The following SHANK2 variants were observed in gnomAD, a reference collection of about 807,000 sequenced individuals.
SHANK2 encodes the protein SH3 and multiple ankyrin repeat domains 2.
SHANK2 carries 43 observed loss-of-function variants against 133.7 expected under a neutral mutation model. The ratio of observed to expected loss-of-function variants is 0.32; its 90% CI spans 0.25 to 0.41. The LOEUF (loss-of-function observed/expected upper bound fraction) is 0.41. SHANK2 is among the 10% of genes least tolerant of loss of function. The probability of loss-of-function intolerance (pLI) is 1.00; values close to 1 mark genes in which losing one functional copy is unlikely to be tolerated. For synonymous variants in SHANK2, 1,017 were observed against 952.8 expected (o/e 1.07, Z -1.24); for missense variants, 1,994 against 2,235.8 (o/e 0.89, Z 2.18).
chr11:70,645,219 C>G (rs1555007805), intron 17 of SHANK2, among the ~76,000 whole-genome samples: 1 of 152,076 alleles, frequency 6.6e-6, no homozygotes, highest in Non-Finnish European at 1.5e-5. Flanking sequence ...AAAACAAAAA[C>G]AAAAACAAAA....
Position 70,807,041 on chromosome 11 carries a change from C to T in SHANK2, c.1624G>A (p.Asp542Asn). ...CCGCGGTGAAGGGGGATCTCGCCGT[C>T]CACTTGGGGTTGGTATGGCTTGACA... ...VAVKPYQPQVDGEIPLHRGDR... is the reference protein window; with the variant it reads ...VAVKPYQPQVNGEIPLHRGDR... Residue 542 changes from aspartate to asparagine, a missense_variant, in exon 13 of 26, where the codon GAC (aspartate) becomes AAC (asparagine). Transcript: ENST00000601538. The surrounding 1 kb of genome is among the most constrained non-coding windows in gnomAD (Gnocchi z 4.8). 1.4e-6 allele frequency: 1 copy of T among 718,060 alleles called. No homozygotes were observed. Among genetic ancestry groups the T allele is most frequent in the South Asian group, 1.5e-5 (1 of 67,564 alleles). 44.5% of individuals were successfully genotyped at this position (718,060 alleles called of 1,614,324 possible). A position where few individuals can be genotyped will look rare whatever the true frequency, so the allele number is the denominator to read the frequency against.
chr11:70,514,608 A>G (rs901955066), intron 17 of SHANK2, among the ~76,000 whole-genome samples: 1 of 152,226 alleles, frequency 6.6e-6, no homozygotes, highest in Non-Finnish European at 1.5e-5. Flanking sequence ...ATGCATCTAT[A>G]TGGTTGCTGG....
intron 16 of SHANK2, 22 bp from the exon 17 acceptor site, chr11:70,659,974 G>T: frequency 6.2e-7 from 1 of 1,614,152 alleles, no homozygotes; most frequent in Non-Finnish European, 8.5e-7. Context: ...AGCAGCACCT[G>T]GTTACAAGCC....
intron 14 of SHANK2, 29 bp downstream of exon 14, chr11:70,798,414 G>C: frequency 1.4e-6 from 1 of 716,818 alleles, no homozygotes. Flanking sequence ...GCAGGATCGA[G>C]GGTGGGCGGC....
At chr11:70,695,323 T>G (rs1945370297) in intron 15 of SHANK2, among the ~76,000 whole-genome samples, 1 of 150,872 alleles carries the variant, frequency 6.6e-6, no homozygotes, top group Non-Finnish European at 1.5e-5. Context: ...GTTTATATTA[T>G]GTGTATTCTA....
chr11:70,648,378 C>G lies in SHANK2; in HGVS notation c.2061+11450G>C, dbSNP rs115549639. On this transcript the variant is annotated intron_variant, in intron 17 of 25. Transcript: ENST00000601538. ...TGACAAAATGTATTACTAACAGACA[C>G]ATATAAAGAAGTAAAATTCCACAAA... Among the ~76,000 whole-genome samples, 589 of 152,292 alleles carry G rather than the reference C, an allele frequency of 3.9e-3. 4 individuals are homozygous for G. Among genetic ancestry groups the G allele is most frequent in the African/African-American group, 0.013 (540 of 41,558 alleles).
chr11:71,094,034 C>T (rs1196538451), intron 7 of SHANK2, among the ~76,000 whole-genome samples: 5 of 152,170 alleles, frequency 3.3e-5, no homozygotes, highest in African/African-American at 7.2e-5. Context: ...CAGGCTCCCA[C>T]GGACCCGCCA....
chr11:70,681,871 C>G (rs1175152688), intron 15 of SHANK2, among the ~76,000 whole-genome samples: 4 of 152,048 alleles, frequency 2.6e-5, no homozygotes, highest in African/African-American at 7.2e-5. Flanking sequence ...CTGTGGGGTT[C>G]TGCACGGGCT....
intron 17 of SHANK2, among the ~76,000 whole-genome samples, chr11:70,575,868 G>A (rs970171052): frequency 2.6e-5 from 4 of 151,916 alleles, no homozygotes; most frequent in African/African-American, 4.8e-5. Flanking sequence ...GAGGTTCCTC[G>A]GAGCTAGGCT....
chr11:70,873,652 C>T (rs1166518567), intron 11 of SHANK2, among the ~76,000 whole-genome samples: 1 of 152,202 alleles, frequency 6.6e-6, no homozygotes, highest in Non-Finnish European at 1.5e-5. Context: ...CCAGAGCCCG[C>T]AGCAACCACT....
rs563122872 is a variant in SHANK2 at position 71,246,729 on chromosome 11, TC to T, written c.-113+5695del. 2.3e-3 allele frequency among the ~76,000 whole-genome samples: 346 copies of T among 152,032 alleles called. 3 individuals carry two copies. The highest frequency in any genetic ancestry group is 8.0e-3 in the African/African-American group (331 of 41,450). On this transcript the variant is annotated intron_variant, in intron 1 of 25. Transcript: ENST00000601538. ...CTTTTACATAAGAAAGGCATAGCTATCCCCCGGAAGCTGGTGAGGGGGTGGT... is the reference window on the plus strand; with the variant it reads ...CTTTTACATAAGAAAGGCATAGCTATCCCCGGAAGCTGGTGAGGGGGTGGT...
intron 14 of SHANK2, among the ~76,000 whole-genome samples, chr11:70,733,009 T>G (rs1344511433): frequency 6.6e-6 from 1 of 152,162 alleles, no homozygotes; most frequent in Non-Finnish European, 1.5e-5. Context: ...ATGCTGCCGA[T>G]GGAGTGATGA....
chr11:70,485,628 G>A lies in SHANK2; in HGVS notation c.4665C>T (p.Ile1555=). The A allele has an allele frequency of 1.9e-6, 3 of 1,614,052 alleles. No individual in the cohort carries two copies. The highest frequency in any genetic ancestry group is 2.5e-6 in the Non-Finnish European group (3 of 1,180,040). The part of the protein sequence containing the change: ...PVPPKPKMKP[I]IHKSNALYQD... ...GATAAAGTGCATTGCTTTTGTGAAT[G>A]ATGGGCTTCATTTTTGGCTTAGGAG... Residue 1555 remains isoleucine, a synonymous_variant, in exon 25 of 26, where the codon ATC becomes ATT. Coordinates refer to ENST00000601538, the MANE Select transcript of SHANK2 (RefSeq NM_012309.5). This position sits in a 1 kb window ranked among gnomAD's most constrained non-coding sequence, Gnocchi z 5.8.
At chr11:70,691,027 CATA>C (rs1945277957) in intron 15 of SHANK2, among the ~76,000 whole-genome samples, 1 of 151,974 alleles carries the variant, frequency 6.6e-6, no homozygotes, top group Non-Finnish European at 1.5e-5. Flanking sequence ...AGAGTGGGCA[CATA>C]ATAATTTATT....
rs79829166 is a variant in SHANK2, at chr11:70,535,448, G to C, written c.2062-32517C>G. 0.016 allele frequency among the ~76,000 whole-genome samples: 2,481 copies of C among 151,844 alleles called. 24 individuals are homozygous for C. The highest frequency in any genetic ancestry group is 0.026 in the Non-Finnish European group (1,754 of 67,908). ...TCCATCCATCTGCCATCATCCATCA[G>C]TCCAACCATCAGTCCGTCCGTCCAT... is the stretch of plus-strand genomic sequence containing the variant. On this transcript the variant is annotated intron_variant, in intron 17 of 25. Coordinates refer to ENST00000601538, the MANE Select transcript of SHANK2 (RefSeq NM_012309.5). The surrounding 1 kb of genome is among the most constrained non-coding windows in gnomAD (Gnocchi z 4.3).
intron 1 of SHANK2, among the ~76,000 whole-genome samples, chr11:71,233,299 A>C (rs1201947007): frequency 6.6e-6 from 1 of 152,196 alleles, no homozygotes; most frequent in Non-Finnish European, 1.5e-5. Flanking sequence ...AAAAAGAATA[A>C]AGGCCTGACC....
intron 15 of SHANK2, among the ~76,000 whole-genome samples, chr11:70,671,784 A>G (rs1295890764): frequency 6.6e-6 from 1 of 152,118 alleles, no homozygotes; most frequent in Non-Finnish European, 1.5e-5. Context: ...GCCCCCAAGC[A>G]AGGGATGCCA....
Position 70,569,808 on chromosome 11 carries a change from A to G in SHANK2, c.2062-66877T>C, listed in dbSNP as rs1276810605. Among the ~76,000 whole-genome samples the G allele has an allele frequency of 6.6e-6, 1 of 151,776 alleles. No individual in the cohort carries two copies. The highest frequency in any genetic ancestry group is 1.5e-5 in the Non-Finnish European group (1 of 67,950). On this transcript the variant is annotated intron_variant, in intron 17 of 25. Coordinates refer to ENST00000601538, the MANE Select transcript of SHANK2 (RefSeq NM_012309.5). This position sits in a 1 kb window ranked among gnomAD's most constrained non-coding sequence, Gnocchi z 5.1. ...GATGCTGGCAGATGTGTGAGCACGG[A>G]GGGGGTTCCTCAGCCCGGGAAAAGG... is the stretch of plus-strand genomic sequence containing the variant.
Position 70,938,634 on chromosome 11 carries a change from G to A in SHANK2, c.1108-42067C>T, listed in dbSNP as rs115926367. Among the ~76,000 whole-genome samples, 1,078 of 152,286 alleles carry A rather than the reference G, an allele frequency of 7.1e-3. 17 individuals are homozygous for A. Among genetic ancestry groups the A allele is most frequent in the African/African-American group, 0.025 (1,029 of 41,570 alleles). ...CAGGCAGTCCCTGCCCTTTGGAAAC[G>A]CGGCTTCTAGTCGAGGAGATGATAA... On this transcript the variant is annotated intron_variant, in intron 10 of 25. Coordinates refer to ENST00000601538, the MANE Select transcript of SHANK2 (RefSeq NM_012309.5).
Sources: gnomAD v4.1 joint callset for allele counts (sites outside exome capture counted in the v4.1 genomes callset) on GRCh38, gnomAD v4.1.1 for gene constraint, Gnocchi (gnomAD v3.1) non-coding constraint, MANE v1.5 for transcripts, NCBI Gene and HGNC (gene_info 2026-07-23, HGNC 2026-07-21) for gene names.